FAM161A: variants seen among roughly 807,000 people sequenced by gnomAD.
FAM161A encodes FAM161 centrosomal protein A, also known as protein FAM161A.
Under a neutral mutation model 70.9 loss-of-function variants are expected in FAM161A, and 57 were observed. The ratio of observed to expected loss-of-function variants is 0.80; its 90% CI spans 0.65 to 1.00. The LOEUF is 1.00. Among genes scored for constraint, FAM161A ranks in the 50% least tolerant of loss-of-function variants. FAM161A has a pLI of 0.00. For synonymous variants in FAM161A, 299 were observed against 295.7 expected (o/e 1.01, Z -0.12); for missense variants, 880 against 836.0 (o/e 1.05, Z -0.65).
chr2:61,840,002 C>T lies in FAM161A; in HGVS notation c.1002G>A (p.Lys334=), dbSNP rs1336059935. The change falls in exon 3 of 7, where the codon AAG becomes AAA. Residue 334 remains lysine (K), a synonymous_variant. Transcript: ENST00000404929. ...TCAGCTGCTTTTCCCGGGCTGCTCGCTTCTGTTCCTCCCTTGCTATAAATT... is the reference window on the plus strand; with the variant it reads ...TCAGCTGCTTTTCCCGGGCTGCTCGTTTCTGTTCCTCCCTTGCTATAAATT... ...PFKFIAREEQ[K]RAAREKQLRD... 6.2e-7 allele frequency: 1 copy of T among 1,614,234 alleles called. No individual in the cohort carries two copies. Among genetic ancestry groups the T allele is most frequent in the Non-Finnish European group, 8.5e-7 (1 of 1,180,046 alleles).
intron 1 of FAM161A, among the ~76,000 whole-genome samples, chr2:61,848,182 C>T (rs1278819449): frequency 6.6e-6 from 1 of 152,116 alleles, no homozygotes; most frequent in African/African-American, 2.4e-5. Flanking sequence ...TTTATTTGGA[C>T]CTGGAAGAAC....
In FAM161A at chr2:61,840,599, CT is replaced by C; in HGVS notation, c.423-19del. ...ATACAGATCTAAATGAGAAGAATAA[CT>C]ATGTTATACTTTCAGTTGTATGTGA... On this transcript the variant is annotated intron_variant, in intron 2 of 6. Transcript: ENST00000404929. 15 of 1,505,936 alleles carry C rather than the reference CT, an allele frequency of 1.0e-5. No homozygotes were observed. Among genetic ancestry groups the C allele is most frequent in the African/African-American group, 1.4e-5 (1 of 72,836 alleles). 93.3% of individuals were successfully genotyped at this position (1,505,936 alleles called of 1,614,324 possible).
At chr2:61,832,109 G>A (rs555230436) in intron 5 of FAM161A, among the ~76,000 whole-genome samples, 1 of 152,026 alleles carries the variant, frequency 6.6e-6, no homozygotes, top group South Asian at 2.1e-4. Context: ...GCCTGGCATG[G>A]TAGCTTGTGC....
At chr2:61,818,455 C>T in the FAM161A span, among the ~76,000 whole-genome samples, 20 of 152,256 alleles carry the variant, frequency 1.3e-4, no homozygotes, top group African/African-American at 4.8e-4. Context: ...ACAAGATGAT[C>T]CTTGGATTTC....
the FAM161A span, among the ~76,000 whole-genome samples, chr2:61,803,886 G>A: frequency 2.0e-5 from 3 of 152,160 alleles, no homozygotes; most frequent in African/African-American, 7.2e-5. Flanking sequence ...TTACAGGAAA[G>A]GGGTTCCCAT....
chr2:61,833,377 G>A (rs577407476), intron 5 of FAM161A, among the ~76,000 whole-genome samples: 1 of 148,774 alleles, frequency 6.7e-6, no homozygotes, highest in East Asian at 2.0e-4. Context: ...AGTGAGCTGA[G>A]ATTGTGACAC....
chr2:61,832,995 T>C (rs76958596), intron 5 of FAM161A, among the ~76,000 whole-genome samples: 1 of 151,922 alleles, frequency 6.6e-6, no homozygotes, highest in East Asian at 1.9e-4. Flanking sequence ...TGTTTAACTG[T>C]TTGAGGGGGA....
the FAM161A span, among the ~76,000 whole-genome samples, chr2:61,806,008 A>G: frequency 1.6e-4 from 24 of 152,226 alleles, no homozygotes; most frequent in African/African-American, 5.3e-4. Flanking sequence ...ATTTTAGCTC[A>G]GGAATTCAAG....
At chr2:61,832,069 C>A (rs889201037) in intron 5 of FAM161A, among the ~76,000 whole-genome samples, 1 of 151,754 alleles carries the variant, frequency 6.6e-6, no homozygotes, top group Non-Finnish European at 1.5e-5. Flanking sequence ...CACAGTAACA[C>A]CCCTGTCTTT....
At chr2:61,813,576 A>G in the FAM161A span, among the ~76,000 whole-genome samples, 1 of 148,418 alleles carries the variant, frequency 6.7e-6, no homozygotes, top group African/African-American at 2.5e-5. Flanking sequence ...AAAAAGAGCC[A>G]GATGTGGTGG....
chr2:61,810,712 A>T, the FAM161A span, among the ~76,000 whole-genome samples: 1 of 151,736 alleles, frequency 6.6e-6, no homozygotes, highest in African/African-American at 2.4e-5. Flanking sequence ...CACCTGCCTC[A>T]GCCTCCCAAA....
chr2:61,826,684 T>C lies in FAM161A; in HGVS notation c.2007-85A>G, dbSNP rs1025766874. ...AACCCTCTGCAAGTATGCCACCGTG[T>C]AGCCAGTCTTCCTCAAGTGTATGAA... On this transcript the variant is annotated intron_variant, in intron 6 of 6. Coordinates refer to ENST00000404929, the MANE Select transcript of FAM161A (RefSeq NM_001201543.2). 8 of 1,139,820 alleles carry C rather than the reference T, an allele frequency of 7.0e-6. No individual in the cohort carries two copies. The African/African-American group carries it at 1.2e-4, about 18-fold the overall frequency. The allele number at this position is 1,139,820 out of a possible 1,614,324, so 70.6% of individuals were successfully genotyped here.
chr2:61,839,638 G>C lies in FAM161A; in HGVS notation c.1366C>G (p.Pro456Ala), dbSNP rs377049099. 6.2e-7 allele frequency: 1 copy of C among 1,614,054 alleles called. No homozygotes were observed. The highest frequency in any genetic ancestry group is 8.5e-7 in the Non-Finnish European group (1 of 1,180,032). Residue 456 changes from proline to alanine, a missense_variant, in exon 3 of 7, where the codon CCA (proline) becomes GCA (alanine). Coordinates refer to ENST00000404929, the MANE Select transcript of FAM161A (RefSeq NM_001201543.2). ...TGTGGAGATGCATGAAGATCAAATG[G>C]TTTACACACTGTTAAGAGTTTTGGA... ...KSPKLLTVCKPFDLHASPHAS... is the reference protein window; with the variant it reads ...KSPKLLTVCKAFDLHASPHAS...
At position 61,847,716 on chromosome 2, in the gene FAM161A, G is replaced by A. The variant is rs187518478; in HGVS notation, c.184-5356C>T. ...GAGCCCAGGAGGTTGGGGCTGCAGT[G>A]AGCTATGATGGAGGCACTGCACTCC... On this transcript the variant is annotated intron_variant, in intron 1 of 6. Transcript: ENST00000404929. 2.6e-5 allele frequency among the ~76,000 whole-genome samples: 4 copies of A among 152,164 alleles called. No homozygotes were observed. In the East Asian group the frequency reaches 7.7e-4, roughly 29 times the overall value.
At chr2:61,829,956 T>C (rs767432441) in intron 5 of FAM161A, among the ~76,000 whole-genome samples, 17 of 150,552 alleles carry the variant, frequency 1.1e-4, no homozygotes, top group Admixed American at 8.0e-4. Context: ...TCCAGCAAAA[T>C]AGACTGCAGC....
intron 4 of FAM161A, among the ~76,000 whole-genome samples, chr2:61,837,057 G>T (rs1271544196): frequency 6.6e-6 from 1 of 151,948 alleles, no homozygotes; most frequent in Non-Finnish European, 1.5e-5. Context: ...TGTAGAGATG[G>T]GGGTCTCATT....
Position 61,838,539 on chromosome 2 carries a change from T to G in FAM161A, c.1750A>C (p.Arg584=). The change falls in exon 4 of 7, where the codon AGA becomes CGA. Residue 584 remains arginine, a splice_region_variant and synonymous_variant. Transcript: ENST00000404929. Reference sequence around the variant, plus strand: ...AGATTCAAGATTTTTTCATGATACCTGAGACATTTTACTCTGGATTTAGAT... The same window carrying G: ...AGATTCAAGATTTTTTCATGATACCGGAGACATTTTACTCTGGATTTAGAT... The part of the protein sequence containing the change: ...QISKSRVKCL[R]KSEKERMREY... 6.2e-7 allele frequency: 1 copy of G among 1,602,356 alleles called. No individual in the cohort carries two copies. Among genetic ancestry groups the G allele is most frequent in the East Asian group, 2.2e-5 (1 of 44,556 alleles).
At chr2:61,812,308 G>A in the FAM161A span, among the ~76,000 whole-genome samples, 2 of 152,158 alleles carry the variant, frequency 1.3e-5, no homozygotes, top group African/African-American at 4.8e-5. Flanking sequence ...TCAGTACCTA[G>A]ATTTTTTGTT....
chr2:61,814,825 C>G, the FAM161A span, among the ~76,000 whole-genome samples: 1 of 152,224 alleles, frequency 6.6e-6, no homozygotes, highest in African/African-American at 2.4e-5. Flanking sequence ...GTATAAATCC[C>G]TTGCCAACCT....
Sources: allele counts gnomAD v4.1 joint callset (sites outside exome capture counted in the v4.1 genomes callset), GRCh38; gene constraint gnomAD v4.1.1; transcripts MANE v1.5; gene names NCBI Gene and HGNC (gene_info 2026-07-23, HGNC 2026-07-21).